Variants in CERCAM observed in about 807,000 individuals in gnomAD.
The protein encoded by CERCAM is inactive glycosyltransferase 25 family member 3.
Under a neutral mutation model 66.0 loss-of-function variants are expected in CERCAM, and 59 were observed. That is an observed-to-expected ratio of 0.89 (90% CI 0.73 to 1.11). The LOEUF (loss-of-function observed/expected upper bound fraction) is 1.11, where lower values mean the gene tolerates loss of function less well. CERCAM is among the 50% of genes most tolerant of loss of function. CERCAM has a pLI of 0.00. For missense variants in CERCAM, 840 were observed against 828.3 expected (o/e 1.01, Z -0.17); for synonymous variants, 318 against 343.6 (o/e 0.93, Z 0.83).
chr9:128,424,834 G>A (rs1833804257), intron 5 of CERCAM, among the ~76,000 whole-genome samples: 1 of 141,138 alleles, frequency 7.1e-6, no homozygotes, highest in Non-Finnish European at 1.5e-5. Flanking sequence ...ATGATTTCCT[G>A]CCTCAGCTTC....
At chr9:128,429,100 C>G in intron 8 of CERCAM, 64 bp downstream of exon 8, 1 of 1,202,130 alleles carries the variant, frequency 8.3e-7, no homozygotes, top group African/African-American at 1.5e-5. Flanking sequence ...ATCTCCTAGC[C>G]CGCTAGGACT....
Position 128,429,025 on chromosome 9 carries a change from T to C in CERCAM, c.1059T>C (p.Ala353=). 1 of 1,604,732 alleles carries C rather than the reference T, an allele frequency of 6.2e-7. No individual in the cohort carries two copies. The highest frequency in any genetic ancestry group is 8.5e-7 in the Non-Finnish European group (1 of 1,176,386). Residue 353 remains alanine, a synonymous_variant, in exon 8 of 13, where the codon GCT becomes GCC. Transcript: ENST00000372838. ...AGATCTCTGGGAGGGTGGTGGACGCTGTGGATGGCTGGTGAGCCTGCCTGG... is the reference window on the plus strand; with the variant it reads ...AGATCTCTGGGAGGGTGGTGGACGCCGTGGATGGCTGGTGAGCCTGCCTGG... ...EMEISGRVVD[A]VDGWMLNSSA...
At chr9:128,431,484 C>A in intron 9 of CERCAM, 181 bp downstream of exon 9, 1 of 685,342 alleles carries the variant, frequency 1.5e-6, no homozygotes, top group Non-Finnish European at 2.4e-6. Flanking sequence ...TGTTTTCATT[C>A]TGCAGTCTCT....
intron 5 of CERCAM, among the ~76,000 whole-genome samples, chr9:128,428,008 C>T (rs769409722): frequency 2.6e-5 from 4 of 152,176 alleles, no homozygotes; most frequent in Non-Finnish European, 5.9e-5. Flanking sequence ...TTGTCTGCTC[C>T]TGCCTCACCT....
upstream of CERCAM, among the ~76,000 whole-genome samples, chr9:128,419,443 C>T (rs1424006941): frequency 6.6e-6 from 1 of 152,168 alleles, no homozygotes; most frequent in Non-Finnish European, 1.5e-5. Context: ...GGGGAGCCTC[C>T]CTCTCCTCCA....
intron 8 of CERCAM, 32 bp downstream of exon 8, chr9:128,429,068 G>C: frequency 6.7e-7 from 1 of 1,490,382 alleles, no homozygotes; most frequent in South Asian, 1.2e-5. Context: ...GGCCCTGTGC[G>C]CTTGGGGAAG....
intron 8 of CERCAM, chr9:128,430,846 T>G: frequency 5.2e-6 from 1 of 190,978 alleles, no homozygotes; most frequent in Non-Finnish European, 1.1e-5. Context: ...TGAAACCCCA[T>G]CTCTACTAAA....
In CERCAM at chr9:128,434,626, T is replaced by TGG. The variant is rs60807982; in HGVS notation, c.1535+17_1535+18dup. 1.2e-6 allele frequency: 2 copies of TGG among 1,601,598 alleles called. No homozygotes were observed. Among genetic ancestry groups the TGG allele is most frequent in the Non-Finnish European group, 1.7e-6 (2 of 1,177,344 alleles). On this transcript the variant is annotated intron_variant, in intron 11 of 12. Coordinates refer to ENST00000372838, the MANE Select transcript of CERCAM (RefSeq NM_016174.5). The surrounding 1 kb of genome is among the most constrained non-coding windows in gnomAD (Gnocchi z 4.5). Reference sequence around the variant, plus strand: ...ACCAGCACCCCAAGTGAGGCTCTGATGGGGGCCGGGCATGGCAGGGCAGAG... The same window carrying TGG: ...ACCAGCACCCCAAGTGAGGCTCTGATGGGGGGGCCGGGCATGGCAGGGCAGAG...
chr9:128,424,146 C>G lies in CERCAM; in HGVS notation c.435C>G (p.Asp145Glu). 6.2e-7 allele frequency: 1 copy of G among 1,613,914 alleles called. No individual in the cohort carries two copies. ...NWGADYILFA[D>E]TDNILTNNQT... Reference sequence around the variant, plus strand: ...ACGTCCCCTCCTCAAAGTTTGCAGACACAGACAACATTCTGACCAACAATC... The same window carrying G: ...ACGTCCCCTCCTCAAAGTTTGCAGAGACAGACAACATTCTGACCAACAATC... The change falls in exon 4 of 13, where the codon GAC (aspartate) becomes GAG (glutamate). Residue 145 changes from aspartate to glutamate, a missense_variant. Coordinates refer to ENST00000372838, the MANE Select transcript of CERCAM (RefSeq NM_016174.5).
chr9:128,430,480 T>G (rs1157936354), intron 8 of CERCAM, among the ~76,000 whole-genome samples: 2 of 152,118 alleles, frequency 1.3e-5, no homozygotes, highest in East Asian at 3.9e-4. Context: ...CCTCAAGCAA[T>G]CCTCCCACCT....
intron 5 of CERCAM, among the ~76,000 whole-genome samples, chr9:128,425,625 C>T (rs1243731035): frequency 6.6e-6 from 1 of 151,852 alleles, no homozygotes; most frequent in African/African-American, 2.4e-5. Context: ...AGTTCTCCTG[C>T]CTCAGCCTCC....
chr9:128,428,058 G>A (rs892599420), intron 5 of CERCAM, among the ~76,000 whole-genome samples: 3 of 152,202 alleles, frequency 2.0e-5, no homozygotes, highest in East Asian at 1.9e-4. Context: ...GCTCACTGCC[G>A]TAACCCTGGC....
intron 5 of CERCAM, among the ~76,000 whole-genome samples, chr9:128,425,700 G>C (rs781634442): frequency 6.6e-6 from 1 of 151,494 alleles, no homozygotes; most frequent in Non-Finnish European, 1.5e-5. Context: ...TAGTAGAGAC[G>C]GGGTTTCTCC....
chr9:128,430,661 T>A (rs2131338615), intron 8 of CERCAM: 1 of 152,312 alleles, frequency 6.6e-6, no homozygotes, highest in Non-Finnish European at 1.5e-5. Flanking sequence ...ATCCCACCCT[T>A]TCCTCAAGGG....
rs1833742120 is a variant in CERCAM at position 128,422,872 on chromosome 9, G to A, written c.202G>A (p.Ala68Thr). 11 of 1,613,978 alleles carry A rather than the reference G, an allele frequency of 6.8e-6. No homozygotes were observed. Among genetic ancestry groups the A allele is most frequent in the Non-Finnish European group, 8.5e-6 (10 of 1,179,966 alleles). The change falls in exon 2 of 13, where the codon GCC (alanine) becomes ACC (threonine). Residue 68 changes from alanine (A) to threonine (T), a missense_variant. By Grantham distance (58) the Ala-to-Thr change is moderately conservative. Coordinates refer to ENST00000372838, the MANE Select transcript of CERCAM (RefSeq NM_016174.5). ...CTTTTTTCTTCCCGTCCCCAGGTGTGCCACGGACCACAATGTGGACAACAC... is the reference window on the plus strand; with the variant it reads ...CTTTTTTCTTCCCGTCCCCAGGTGTACCACGGACCACAATGTGGACAACAC... ...YPRARMALWCATDHNVDNTTE... is the reference protein window; with the variant it reads ...YPRARMALWCTTDHNVDNTTE...
chr9:128,423,757 A>G (rs773176956), intron 3 of CERCAM, among the ~76,000 whole-genome samples: 3 of 152,182 alleles, frequency 2.0e-5, no homozygotes, highest in Non-Finnish European at 4.4e-5. Context: ...ACTAGGTACT[A>G]AGCCTGGACC....
At chr9:128,429,059 G>C (rs2072399) in intron 8 of CERCAM, 23 bp downstream of exon 8, 1 of 1,539,904 alleles carries the variant, frequency 6.5e-7, no homozygotes, top group African/African-American at 1.4e-5. Context: ...GGTGGGGGGG[G>C]CCCTGTGCGC....
intron 1 of CERCAM, chr9:128,421,531 C>A: frequency 1.0e-6 from 1 of 987,312 alleles, no homozygotes; most frequent in Non-Finnish European, 1.2e-6. Context: ...GCCATCAGCA[C>A]TGGGCTCCGG....
chr9:128,429,600 C>G (rs756521874), intron 8 of CERCAM, among the ~76,000 whole-genome samples: 16 of 151,270 alleles, frequency 1.1e-4, no homozygotes, highest in Admixed American at 3.9e-4. Context: ...GTACTCAGCT[C>G]TTTTTATTTT....
Sources: allele counts gnomAD v4.1 joint callset (sites outside exome capture counted in the v4.1 genomes callset), GRCh38; gene constraint gnomAD v4.1.1; non-coding constraint Gnocchi (gnomAD v3.1); transcripts MANE v1.5; gene names NCBI Gene and HGNC (gene_info 2026-07-23, HGNC 2026-07-21).